Variants in DMD observed in about 807,000 individuals in gnomAD.
DMD encodes dystrophin.
In DMD, 63 loss-of-function variants were observed where a neutral mutation model predicts 330.1. The observed-to-expected ratio is 0.19, with a 90% CI of 0.16 to 0.24. The LOEUF (loss-of-function observed/expected upper bound fraction) is 0.24, where lower values mean the gene tolerates loss of function less well. Ranked by LOEUF, DMD falls within the 10% of genes least tolerant of loss-of-function variation. The pLI is 1.00. For synonymous variants in DMD, 1,223 were observed against 959.8 expected, an observed-to-expected ratio of 1.27 and a Z score of -5.07; for missense variants, 3,344 against 2,684.1, an observed-to-expected ratio of 1.25 and a Z score of -5.43.
intron 47 of DMD, among the ~76,000 whole-genome samples, chrX:31,928,705 T>G (rs1196411691): frequency 8.9e-6 from 1 of 111,866 alleles, no homozygotes; most frequent in African/African-American, 3.2e-5. Flanking sequence ...AAATGACAAT[T>G]TTTTATGTTA....
chrX:31,770,515 T>C (rs1300815128), intron 51 of DMD, among the ~76,000 whole-genome samples: 1 of 112,237 alleles, frequency 8.9e-6, no homozygotes, highest in African/African-American at 3.2e-5. Context: ...TCGTTTTATC[T>C]AGCTAGGTAA....
chrX:32,737,258 C>A (rs768670477), intron 7 of DMD, among the ~76,000 whole-genome samples: 38 of 110,946 alleles, frequency 3.4e-4, no homozygotes, highest in African/African-American at 1.1e-3. Flanking sequence ...AAAATAATAT[C>A]TTTTCTTATT....
intron 43 of DMD, among the ~76,000 whole-genome samples, chrX:32,256,921 C>T (rs1284600254): frequency 1.8e-5 from 2 of 111,205 alleles, no homozygotes; most frequent in Admixed American, 9.7e-5. Context: ...GGTAACCCAG[C>T]CTTTCTCTCT....
intron 1 of DMD, among the ~76,000 whole-genome samples, chrX:33,277,311 T>C (rs1422734952): frequency 1.8e-5 from 2 of 111,027 alleles, no homozygotes; most frequent in Admixed American, 9.6e-5. Flanking sequence ...AGTGGTGCCT[T>C]TGGGGTGATG....
rs190406563 is a variant in DMD, at chrX:31,428,024, C to T, written c.9084+16457G>A. Among the ~76,000 whole-genome samples the T allele has an allele frequency of 2.2e-4, 25 of 112,395 alleles. No individual in the cohort carries two copies. The Admixed American group carries it at 2.3e-3, about 10-fold the overall frequency. ...GATTTATCTTCTGGTTCAGTCATAT[C>T]TGAGTCCCATGCATCTAAGTCAGAA... is the stretch of plus-strand genomic sequence containing the variant. On this transcript the variant is annotated intron_variant, in intron 60 of 78. Coordinates refer to ENST00000357033, the MANE Select transcript of DMD (RefSeq NM_004006.3).
chrX:33,221,291 C>T lies in DMD; in HGVS notation c.7+117968G>A, dbSNP rs530388208. Among the ~76,000 whole-genome samples the T allele has an allele frequency of 2.7e-5, 3 of 111,783 alleles. No homozygotes were observed. In the South Asian group the frequency reaches 1.1e-3, roughly 41 times the overall value. On this transcript the variant is annotated intron_variant, in intron 1 of 17. Transcript: ENST00000288447. ...AAAGAAAAGTTGACATTTTAATCGACCTGCTAATTGATAAACTTCAATAAG... is the reference window on the plus strand; with the variant it reads ...AAAGAAAAGTTGACATTTTAATCGATCTGCTAATTGATAAACTTCAATAAG...
At chrX:31,552,505 T>A (rs1017654658) in intron 55 of DMD, among the ~76,000 whole-genome samples, 1 of 111,274 alleles carries the variant, frequency 9.0e-6, no homozygotes, top group South Asian at 3.9e-4. Flanking sequence ...GACAGAGAAA[T>A]GGGAGGCAGC....
At chrX:32,960,971 T>C (rs1201281197) in intron 2 of DMD, among the ~76,000 whole-genome samples, 2 of 108,526 alleles carry the variant, frequency 1.8e-5, no homozygotes, top group African/African-American at 3.3e-5. Flanking sequence ...CATGATTACA[T>C]TGAACGTATT....
chrX:31,247,190 A>T (rs2048911103), intron 63 of DMD, among the ~76,000 whole-genome samples: 1 of 112,075 alleles, frequency 8.9e-6, no homozygotes, highest in African/African-American at 3.2e-5. Flanking sequence ...TCCATTCTGT[A>T]GCCCAAGGAT....
At chrX:31,485,445 C>G (rs2068716259) in intron 57 of DMD, among the ~76,000 whole-genome samples, 2 of 111,682 alleles carry the variant, frequency 1.8e-5, no homozygotes, top group Admixed American at 1.9e-4. Flanking sequence ...ATCCGTTTGC[C>G]TCGGCCTCGC....
intron 55 of DMD, among the ~76,000 whole-genome samples, chrX:31,620,535 C>G (rs2078469480): frequency 9.2e-6 from 1 of 108,778 alleles, no homozygotes; most frequent in African/African-American, 3.4e-5. Flanking sequence ...CTGCCTCTGC[C>G]TCCCGAGTAG....
In DMD at chrX:32,431,069, T is replaced by G. The variant is rs149808347; in HGVS notation, c.4071+7172A>C. ...TGATTCTCATTCAATTTCCTTTGGA[T>G]ATATCCCTAGAAGTGGAATTGCTGG... On this transcript the variant is annotated intron_variant, in intron 29 of 78. Transcript: ENST00000357033. Among the ~76,000 whole-genome samples, 803 of 111,859 alleles carry G rather than the reference T, an allele frequency of 7.2e-3. 4 individuals are homozygous for G. The highest frequency in any genetic ancestry group is 0.042 in the Middle Eastern group (9 of 214).
intron 44 of DMD, among the ~76,000 whole-genome samples, chrX:32,143,540 ATTT>A (rs746106044): frequency 1.0e-5 from 1 of 97,434 alleles, no homozygotes; most frequent in Non-Finnish European, 2.1e-5. Context: ...GTAAAAATAC[ATTT>A]TTTTTTTTTT....
At chrX:32,426,980 A>G (rs1481084278) in intron 29 of DMD, among the ~76,000 whole-genome samples, 2 of 111,396 alleles carry the variant, frequency 1.8e-5, no homozygotes, top group Non-Finnish European at 3.8e-5. Flanking sequence ...GAAGGGGAGG[A>G]TCAGAAAAAA....
chrX:32,645,574 G>A (rs1371392552), intron 9 of DMD, among the ~76,000 whole-genome samples: 1 of 111,363 alleles, frequency 9.0e-6, no homozygotes, highest in Non-Finnish European at 1.9e-5. Flanking sequence ...GAGGCCCTAG[G>A]TAATGAAATA....
rs764421418 is a variant in DMD at position 32,959,992 on chromosome X, A to G, written c.93+60147T>C. ...AAGATGCTTAGAATTCAATGTCTAGAAAACTTCTTAACTGCCTGCCCTCTA... is the reference window on the plus strand; with the variant it reads ...AAGATGCTTAGAATTCAATGTCTAGGAAACTTCTTAACTGCCTGCCCTCTA... On this transcript the variant is annotated intron_variant, in intron 2 of 78. Transcript: ENST00000357033. Among the ~76,000 whole-genome samples, 59 of 111,860 alleles carry G rather than the reference A, an allele frequency of 5.3e-4. No individual in the cohort carries two copies. The Admixed American group carries it at 5.6e-3, about 11-fold the overall frequency.
intron 55 of DMD, among the ~76,000 whole-genome samples, chrX:31,610,023 C>A (rs2077820577): frequency 9.1e-6 from 1 of 110,172 alleles, no homozygotes; most frequent in African/African-American, 3.3e-5. Context: ...ATTACCCACT[C>A]CATTCCTCTC....
chrX:31,759,662 T>G (rs181648542), intron 51 of DMD, among the ~76,000 whole-genome samples: 147 of 111,959 alleles, frequency 1.3e-3, no homozygotes, highest in Non-Finnish European at 1.6e-3. Context: ...TTAATCAATA[T>G]TCTAAATATA....
chrX:33,109,424 A>G (rs1335193514), intron 1 of DMD, among the ~76,000 whole-genome samples: 3 of 112,014 alleles, frequency 2.7e-5, no homozygotes, highest in Non-Finnish European at 3.8e-5. Flanking sequence ...TCTTTAAATC[A>G]TAGTTGTTTT....
Sources: gnomAD v4.1 joint callset for allele counts (sites outside exome capture counted in the v4.1 genomes callset) on GRCh38, gnomAD v4.1.1 for gene constraint, MANE v1.5 for transcripts, NCBI Gene and HGNC (gene_info 2026-07-23, HGNC 2026-07-21) for gene names.